The following LDB2 variants were observed in gnomAD, a reference collection of about 807,000 sequenced individuals.
LDB2 encodes LIM domain-binding protein 2.
Under a neutral mutation model 44.3 loss-of-function variants are expected in LDB2, and 12 were observed. That is an observed-to-expected ratio of 0.27 (90% CI 0.17 to 0.44). The LOEUF (loss-of-function observed/expected upper bound fraction) is 0.44. Ranked by LOEUF, LDB2 falls within the 20% of genes least tolerant of loss-of-function variation. LDB2 has a pLI of 1.00. For synonymous variants in LDB2, 164 were observed against 174.8 expected, an observed-to-expected ratio of 0.94 and a Z score of 0.49; for missense variants, 344 against 473.5, an observed-to-expected ratio of 0.73 and a Z score of 2.54.
rs117706143 is a variant in LDB2, at chr4:16,622,757, C to T, written c.236-26882G>A. Among the ~76,000 whole-genome samples, 176 of 152,254 alleles carry T rather than the reference C, an allele frequency of 1.2e-3. 4 individuals are homozygous for T. In the East Asian group the frequency reaches 0.031, roughly 27 times the overall value. On this transcript the variant is annotated intron_variant, in intron 2 of 7. Coordinates refer to ENST00000304523, the MANE Select transcript of LDB2 (RefSeq NM_001290.5). ...CTAAGATGGGATTTTATCGCTCTAG[C>T]GTAGAGTGAAAGCATTTGCTTATGG...
intron 1 of LDB2, among the ~76,000 whole-genome samples, chr4:16,884,961 A>G (rs1411603001): frequency 6.6e-6 from 1 of 152,100 alleles, no homozygotes; most frequent in African/African-American, 2.4e-5. Context: ...TCCAGAAGTT[A>G]AGCGCTTAAT....
chr4:16,709,105 C>A (rs188784799), intron 2 of LDB2, among the ~76,000 whole-genome samples: 4 of 146,274 alleles, frequency 2.7e-5, no homozygotes, highest in African/African-American at 1.0e-4. Flanking sequence ...ATTCTATCAC[C>A]GAATTCTCAT....
chr4:16,753,868 G>A (rs117140923), intron 2 of LDB2, among the ~76,000 whole-genome samples: 2,404 of 152,254 alleles, frequency 0.016, 38 homozygotes, highest in East Asian at 0.063. Flanking sequence ...AAAACAATGT[G>A]CTTATTGGAA....
chr4:16,593,667 G>C (rs929418613), intron 3 of LDB2, among the ~76,000 whole-genome samples: 1 of 152,150 alleles, frequency 6.6e-6, no homozygotes, highest in African/African-American at 2.4e-5. Context: ...CCTTGGAGTC[G>C]CATCAGATGG....
chr4:16,616,173 G>A (rs1727264545), intron 2 of LDB2, among the ~76,000 whole-genome samples: 1 of 152,132 alleles, frequency 6.6e-6, no homozygotes, highest in South Asian at 2.1e-4. Flanking sequence ...GAAGAACCAT[G>A]TCTTTTTGTT....
chr4:16,819,636 T>C (rs1158299305), intron 1 of LDB2, among the ~76,000 whole-genome samples: 2 of 152,038 alleles, frequency 1.3e-5, no homozygotes, highest in South Asian at 2.1e-4. Context: ...TTATTAAATA[T>C]AATGATGTCT....
At position 16,774,956 on chromosome 4, in the gene LDB2, T is replaced by A. The variant is rs77278583; in HGVS notation, c.133-15696A>T. Among the ~76,000 whole-genome samples, 8 of 152,226 alleles carry A rather than the reference T, an allele frequency of 5.3e-5. No homozygotes were observed. The East Asian group carries it at 1.5e-3, about 29-fold the overall frequency. The stretch of plus-strand genomic sequence containing the variant: ...TCTTCAGACAATGGTACACTAGAAG[T>A]AATAAACGAAAGAAAATTCAGATGC... On this transcript the variant is annotated intron_variant, in intron 1 of 7. Transcript: ENST00000304523.
At chr4:16,765,854 A>C (rs936787572) in intron 1 of LDB2, among the ~76,000 whole-genome samples, 3 of 152,186 alleles carry the variant, frequency 2.0e-5, no homozygotes, top group African/African-American at 7.2e-5. Context: ...ATTTAAATAA[A>C]TTATCTCACA....
At chr4:16,639,235 AT>A (rs1734487106) in intron 2 of LDB2, among the ~76,000 whole-genome samples, 1 of 152,202 alleles carries the variant, frequency 6.6e-6, no homozygotes, top group African/African-American at 2.4e-5. Context: ...TGGTTGCCCA[AT>A]TTCTGTTGCC....
chr4:16,829,875 G>A (rs910530351), intron 1 of LDB2, among the ~76,000 whole-genome samples: 2 of 152,150 alleles, frequency 1.3e-5, no homozygotes, highest in Non-Finnish European at 2.9e-5. Context: ...GGGAGGCCAA[G>A]GCAAGCAGAT....
In LDB2 at chr4:16,787,792, G is replaced by A. The variant is rs563609762; in HGVS notation, c.133-28532C>T. On this transcript the variant is annotated intron_variant, in intron 1 of 7. Transcript: ENST00000304523. ...TGGGAACACTTTTTAGTGTCTTGTA[G>A]GACTGCCCTAAGGATTTGGCAGGAT... is the stretch of plus-strand genomic sequence containing the variant. Among the ~76,000 whole-genome samples, 4 of 152,268 alleles carry A rather than the reference G, an allele frequency of 2.6e-5. No individual in the cohort carries two copies. The East Asian group carries it at 7.7e-4, about 29-fold the overall frequency.
chr4:16,676,653 G>C (rs1283749725), intron 2 of LDB2, among the ~76,000 whole-genome samples: 2 of 152,206 alleles, frequency 1.3e-5, no homozygotes, highest in African/African-American at 4.8e-5. Context: ...CTCTACCTTT[G>C]AGAAAAGTAT....
chr4:16,784,074 T>A (rs1773879866), intron 1 of LDB2, among the ~76,000 whole-genome samples: 1 of 152,208 alleles, frequency 6.6e-6, no homozygotes, highest in African/African-American at 2.4e-5. Context: ...CTTTGCTTGC[T>A]AACTTTTTGT....
intron 1 of LDB2, among the ~76,000 whole-genome samples, chr4:16,890,558 T>C (rs1300097629): frequency 1.3e-5 from 2 of 152,164 alleles, no homozygotes; most frequent in African/African-American, 4.8e-5. Flanking sequence ...AGGGTGTGGC[T>C]ACCAGGGCAT....
chr4:16,576,219 G>A (rs1225046293), intron 5 of LDB2, among the ~76,000 whole-genome samples: 1 of 151,728 alleles, frequency 6.6e-6, no homozygotes, highest in African/African-American at 2.4e-5. Flanking sequence ...AAAATTTCTA[G>A]AAGAAATAAC....
intron 1 of LDB2, among the ~76,000 whole-genome samples, chr4:16,877,391 G>T (rs927061887): frequency 6.6e-6 from 1 of 152,080 alleles, no homozygotes; most frequent in Non-Finnish European, 1.5e-5. Flanking sequence ...AAAATTCTCT[G>T]ATTATTGCCA....
At chr4:16,692,485 C>T (rs1445886511) in intron 2 of LDB2, among the ~76,000 whole-genome samples, 2 of 152,130 alleles carry the variant, frequency 1.3e-5, no homozygotes, top group Non-Finnish European at 2.9e-5. Flanking sequence ...TGTACAGGTA[C>T]TGGTGCCCTG....
intron 1 of LDB2, among the ~76,000 whole-genome samples, chr4:16,879,013 T>C (rs1054034932): frequency 6.6e-6 from 1 of 152,202 alleles, no homozygotes; most frequent in South Asian, 2.1e-4. Context: ...CTTTAGTTAG[T>C]ATGAGTTTTT....
At chr4:16,719,325 T>C (rs945363336) in intron 2 of LDB2, among the ~76,000 whole-genome samples, 1 of 152,100 alleles carries the variant, frequency 6.6e-6, no homozygotes, top group South Asian at 2.1e-4. Context: ...AGAAAGTGTG[T>C]ACATAGAGCC....
Sources: gnomAD v4.1 joint callset for allele counts (sites outside exome capture counted in the v4.1 genomes callset) on GRCh38, gnomAD v4.1.1 for gene constraint, MANE v1.5 for transcripts, NCBI Gene and HGNC (gene_info 2026-07-23, HGNC 2026-07-21) for gene names.